Variants in FRMD5 observed in about 807,000 individuals in gnomAD.
FRMD5 encodes the protein FERM domain-containing protein 5.
In FRMD5, 20 loss-of-function variants were observed where a neutral mutation model predicts 69.0. That is an observed-to-expected ratio of 0.29 (90% CI 0.20 to 0.42). The LOEUF is 0.42. Among genes scored for constraint, FRMD5 ranks in the 10% least tolerant of loss-of-function variants. The probability of loss-of-function intolerance (pLI) is 1.00; values close to 1 mark genes in which losing one functional copy is unlikely to be tolerated. For missense variants in FRMD5, 595 were observed against 708.6 expected (o/e 0.84, Z 1.82); for synonymous variants, 271 against 260.1 (o/e 1.04, Z -0.40).
chr15:44,090,377 T>C (rs752381608), intron 1 of FRMD5, among the ~76,000 whole-genome samples: 1 of 152,078 alleles, frequency 6.6e-6, no homozygotes, highest in Non-Finnish European at 1.5e-5. Context: ...GCTAGCTCAA[T>C]ATTTTAAAAT....
chr15:43,974,743 T>C (rs747432942), intron 1 of FRMD5, among the ~76,000 whole-genome samples: 25 of 152,260 alleles, frequency 1.6e-4, no homozygotes, highest in Non-Finnish European at 1.3e-4. Context: ...CAGATTCATG[T>C]AGCTCTCTGA....
intron 1 of FRMD5, among the ~76,000 whole-genome samples, chr15:44,041,106 C>T (rs35643872): frequency 0.16 from 23,007 of 147,266 alleles, 2,012 homozygotes; most frequent in Middle Eastern, 0.3. Flanking sequence ...CAAAGAAGGG[C>T]GTTACATAAG....
chr15:44,071,602 CT>C (rs1162244394), intron 1 of FRMD5, among the ~76,000 whole-genome samples: 1 of 152,158 alleles, frequency 6.6e-6, no homozygotes, highest in Admixed American at 6.5e-5. Context: ...AACTTGGGGT[CT>C]CTTCCCATAA....
chr15:43,964,930 A>G (rs540785175), intron 1 of FRMD5, among the ~76,000 whole-genome samples: 1 of 152,340 alleles, frequency 6.6e-6, no homozygotes, highest in African/African-American at 2.4e-5. Flanking sequence ...AGACTGCAGG[A>G]GAACTAAGTA....
At chr15:44,085,682 T>C (rs1894169224) in intron 1 of FRMD5, among the ~76,000 whole-genome samples, 1 of 152,142 alleles carries the variant, frequency 6.6e-6, no homozygotes, top group Non-Finnish European at 1.5e-5. Context: ...ATGGTTAATT[T>C]TGCATTTTAG....
At chr15:43,876,051 T>C in intron 13 of FRMD5, 2 of 1,223,442 alleles carry the variant, frequency 1.6e-6, no homozygotes, top group East Asian at 2.3e-5. Context: ...GGCCACTTCA[T>C]TGAATCTCAT....
chr15:43,963,257 G>C (rs1226004716), intron 1 of FRMD5, among the ~76,000 whole-genome samples: 1 of 152,178 alleles, frequency 6.6e-6, no homozygotes, highest in Non-Finnish European at 1.5e-5. Flanking sequence ...GATATGAACA[G>C]ACACTTCTCA....
At position 43,884,804 on chromosome 15, in the gene FRMD5, A is replaced by T. The variant is rs1044040858; in HGVS notation, c.960-9T>A. The T allele has an allele frequency of 1.2e-6, 2 of 1,612,968 alleles. No individual in the cohort carries two copies. The highest frequency in any genetic ancestry group is 1.7e-6 in the Non-Finnish European group (2 of 1,179,096). Reference sequence around the variant, plus strand: ...CCTTTGCAACTCGGCCACTGTAAGTAGTGTAATAAAAACAAGCAGCAAGAA... The same window carrying T: ...CCTTTGCAACTCGGCCACTGTAAGTTGTGTAATAAAAACAAGCAGCAAGAA... On this transcript the variant is annotated splice_polypyrimidine_tract_variant and intron_variant, in intron 11 of 13. Coordinates refer to ENST00000417257, the MANE Select transcript of FRMD5 (RefSeq NM_032892.5).
At chr15:44,160,469 T>C (rs1472940612) in intron 1 of FRMD5, among the ~76,000 whole-genome samples, 3 of 152,222 alleles carry the variant, frequency 2.0e-5, no homozygotes, top group African/African-American at 7.2e-5. Context: ...ATGGAACCTC[T>C]TGTATGATTC....
chr15:44,014,254 A>G (rs1890855242), intron 1 of FRMD5, among the ~76,000 whole-genome samples: 1 of 152,140 alleles, frequency 6.6e-6, no homozygotes, highest in Admixed American at 6.5e-5. Flanking sequence ...GTCTGAGGAA[A>G]GGAGTCTTTC....
intron 6 of FRMD5, 136 bp downstream of exon 6, chr15:43,905,692 T>C (rs2140408349): frequency 2.8e-6 from 3 of 1,079,838 alleles, no homozygotes; most frequent in South Asian, 3.0e-5. Context: ...CAATGGTACA[T>C]CCGCGGTCAG....
intron 1 of FRMD5, among the ~76,000 whole-genome samples, chr15:44,062,319 G>A (rs1325915267): frequency 6.6e-6 from 1 of 151,992 alleles, no homozygotes; most frequent in Non-Finnish European, 1.5e-5. Flanking sequence ...CCACCATGGG[G>A]ACCACAGAGA....
chr15:44,164,785 G>A (rs983845774), intron 1 of FRMD5, among the ~76,000 whole-genome samples: 5 of 152,178 alleles, frequency 3.3e-5, no homozygotes, highest in Non-Finnish European at 7.3e-5. Context: ...GAAGAAGCAG[G>A]AACCACGGAG....
chr15:44,180,946 G>A (rs1391792296), intron 1 of FRMD5, among the ~76,000 whole-genome samples: 1 of 152,082 alleles, frequency 6.6e-6, no homozygotes, highest in East Asian at 1.9e-4. Context: ...AAAAGTAACT[G>A]GATCTCTAAT....
chr15:44,168,879 C>T (rs1341744656), intron 1 of FRMD5, among the ~76,000 whole-genome samples: 1 of 152,232 alleles, frequency 6.6e-6, no homozygotes, highest in Non-Finnish European at 1.5e-5. Flanking sequence ...TTCATCCTAA[C>T]ACCCACCTGC....
chr15:44,016,855 G>A lies in FRMD5; in HGVS notation c.103-92546C>T, dbSNP rs142786287. Among the ~76,000 whole-genome samples, 297 of 141,902 alleles carry A rather than the reference G, an allele frequency of 2.1e-3. 5 individuals are homozygous for A. The East Asian group carries it at 0.034, about 16-fold the overall frequency. 93.1% of individuals were successfully genotyped at this position (141,902 alleles called of 152,430 possible). A position where few individuals can be genotyped will look rare whatever the true frequency, so the allele number is the denominator to read the frequency against. On this transcript the variant is annotated intron_variant, in intron 1 of 13. Transcript: ENST00000417257. ...GTTCACATAATTTTTTTTTTTTTGA[G>A]ACAGGGTCTCACTCGGTTTTGCAGG...
chr15:43,901,674 A>G (rs954379669), intron 7 of FRMD5, among the ~76,000 whole-genome samples: 4 of 152,098 alleles, frequency 2.6e-5, no homozygotes, highest in African/African-American at 9.7e-5. Context: ...GTAATTACAG[A>G]GGTTTTCTCT....
chr15:43,892,878 TG>T (rs1433504634), intron 7 of FRMD5, among the ~76,000 whole-genome samples: 1 of 152,030 alleles, frequency 6.6e-6, no homozygotes, highest in Non-Finnish European at 1.5e-5. Flanking sequence ...CCGAGGCAGG[TG>T]GATCATCTGA....
chr15:44,079,115 A>G (rs1383601105), intron 1 of FRMD5, among the ~76,000 whole-genome samples: 3 of 152,174 alleles, frequency 2.0e-5, no homozygotes, highest in Non-Finnish European at 4.4e-5. Context: ...ACTTGAATAG[A>G]TATTTCTCCA....
Sources: gnomAD v4.1 joint callset for allele counts (sites outside exome capture counted in the v4.1 genomes callset) on GRCh38, gnomAD v4.1.1 for gene constraint, MANE v1.5 for transcripts, NCBI Gene and HGNC (gene_info 2026-07-23, HGNC 2026-07-21) for gene names.